B3GNT3: variants seen among roughly 807,000 people sequenced by gnomAD.
B3GNT3 encodes UDP-GlcNAc:betaGal beta-1,3-N-acetylglucosaminyltransferase 3, also known as N-acetyllactosaminide beta-1,3-N-acetylglucosaminyltransferase 3.
Under a neutral mutation model 11.6 loss-of-function variants are expected in B3GNT3, and 7 were observed. That is an observed-to-expected ratio of 0.60 (90% CI 0.34 to 1.13). The LOEUF (loss-of-function observed/expected upper bound fraction) is 1.13. Ranked by LOEUF, B3GNT3 falls within the 50% of genes most tolerant of loss-of-function variation. B3GNT3 has a pLI of 0.03. For synonymous variants in B3GNT3, 201 were observed against 222.1 expected, an observed-to-expected ratio of 0.90 and a Z score of 0.85; for missense variants, 400 against 507.4, an observed-to-expected ratio of 0.79 and a Z score of 2.03.
intron 1 of B3GNT3, among the ~76,000 whole-genome samples, chr19:17,800,350 G>T (rs2094164694): frequency 6.6e-6 from 1 of 152,108 alleles, no homozygotes; most frequent in Admixed American, 6.6e-5. Context: ...ACTTCAGCCT[G>T]GGGGACACAG....
rs117417269 is a variant in B3GNT3, at chr19:17,797,959, G to T, written c.-51+2753G>T. Among the ~76,000 whole-genome samples the T allele has an allele frequency of 1.1e-3, 171 of 152,282 alleles. 3 individuals carry two copies. The East Asian group carries it at 0.03, about 27-fold the overall frequency. On this transcript the variant is annotated intron_variant, in intron 1 of 2. Transcript: ENST00000318683. ...CCACCCACAGGGGCTGGCAGATCAG[G>T]GTTCAAATCCCACCAACCCGCCCTG...
intron 1 of B3GNT3, among the ~76,000 whole-genome samples, chr19:17,805,545 ACT>A (rs2094172026): frequency 6.6e-6 from 1 of 151,662 alleles, no homozygotes; most frequent in Non-Finnish European, 1.5e-5. Context: ...GGGTCCCATA[ACT>A]CCACCATCAC....
At chr19:17,804,695 C>T (rs2094170944) in intron 1 of B3GNT3, among the ~76,000 whole-genome samples, 2 of 151,176 alleles carry the variant, frequency 1.3e-5, no homozygotes, top group South Asian at 4.2e-4. Context: ...GAGCCATGAG[C>T]CACCACGCCC....
At position 17,812,235 on chromosome 19, in the gene B3GNT3, G is replaced by T. The variant is rs1199250295; in HGVS notation, c.*113G>T. ...CTGAGCATAAGGGAGTGCCAGGGAA[G>T]GTTTGAGGTTTGATGAGTGAATATT... On this transcript the variant is annotated 3_prime_UTR_variant, in exon 3 of 3. Transcript: ENST00000318683. The T allele has an allele frequency of 8.3e-7, 1 of 1,199,470 alleles. No individual in the cohort carries two copies. The highest frequency in any genetic ancestry group is 1.1e-6 in the Non-Finnish European group (1 of 883,336). The allele number at this position is 1,199,470 out of a possible 1,614,324, so 74.3% of individuals were successfully genotyped here. A position where few individuals can be genotyped will look rare whatever the true frequency, so the allele number is the denominator to read the frequency against.
rs1219891966 is a variant in B3GNT3, at chr19:17,812,566, G to A, written c.*444G>A. 4 of 169,812 alleles carry A rather than the reference G, an allele frequency of 2.4e-5. No individual in the cohort carries two copies. The highest frequency in any genetic ancestry group is 1.7e-4 in the East Asian group (1 of 6,010). 10.5% of individuals were successfully genotyped at this position (169,812 alleles called of 1,614,324 possible). ...ACTCCTGTGTCCACATAGAGCTGAC[G>A]TGAGAAATATCTTTCAGCCCAGGAG... On this transcript the variant is annotated 3_prime_UTR_variant, in exon 3 of 3. Transcript: ENST00000318683.
chr19:17,807,963 A>ACGC lies in B3GNT3; in HGVS notation c.157_158insGCC (p.Pro52_Pro53insArg). 1.2e-5 allele frequency: 15 copies of ACGC among 1,223,160 alleles called. No individual in the cohort carries two copies. The highest frequency in any genetic ancestry group is 1.6e-5 in the Non-Finnish European group (14 of 866,344). 75.8% of individuals were successfully genotyped at this position (1,223,160 alleles called of 1,614,324 possible). A position where few individuals can be genotyped will look rare whatever the true frequency, so the allele number is the denominator to read the frequency against. On this transcript the variant is annotated inframe_insertion, in exon 2 of 3. Coordinates refer to ENST00000318683, the MANE Select transcript of B3GNT3 (RefSeq NM_014256.4). ...CCGAGGCCCTGGCCTGGCCCACTCC[A>ACGC]CCCACCCGCCCAGCCCCGGCCCCGT...
At position 17,812,576 on chromosome 19, in the gene B3GNT3, T is replaced by A. The variant is rs564944806; in HGVS notation, c.*454T>A. 1 of 166,260 alleles carries A rather than the reference T, an allele frequency of 6.0e-6. No homozygotes were observed. Among genetic ancestry groups the A allele is most frequent in the Admixed American group, 5.6e-5 (1 of 17,812 alleles). 10.3% of individuals were successfully genotyped at this position (166,260 alleles called of 1,614,324 possible). On this transcript the variant is annotated 3_prime_UTR_variant, in exon 3 of 3. Coordinates refer to ENST00000318683, the MANE Select transcript of B3GNT3 (RefSeq NM_014256.4). ...CCACATAGAGCTGACGTGAGAAATA[T>A]CTTTCAGCCCAGGAGAGAGGGGTCC...
chr19:17,806,845 T>C (rs1348565915), intron 1 of B3GNT3, among the ~76,000 whole-genome samples: 1 of 149,952 alleles, frequency 6.7e-6, no homozygotes, highest in South Asian at 2.1e-4. Context: ...CCAGCTACTC[T>C]GAAAGATGAG....
rs568932457 is a variant in B3GNT3 at position 17,806,779 on chromosome 19, T to C, written c.-50-979T>C. Among the ~76,000 whole-genome samples the C allele has an allele frequency of 5.3e-5, 8 of 151,640 alleles. No homozygotes were observed. In the South Asian group the frequency reaches 1.7e-3, roughly 32 times the overall value. Reference sequence around the variant, plus strand: ...CCATCCTGGCCAACACGGTGAAACCTTGTCTCTCCTAAAAATACAAAAATT... The same window carrying C: ...CCATCCTGGCCAACACGGTGAAACCCTGTCTCTCCTAAAAATACAAAAATT... On this transcript the variant is annotated intron_variant, in intron 1 of 2. Coordinates refer to ENST00000318683, the MANE Select transcript of B3GNT3 (RefSeq NM_014256.4).
Position 17,811,035 on chromosome 19 carries a change from C to G in B3GNT3, c.568-536C>G, listed in dbSNP as rs1319671604. On this transcript the variant is annotated intron_variant, in intron 2 of 2. Coordinates refer to ENST00000318683, the MANE Select transcript of B3GNT3 (RefSeq NM_014256.4). This position sits in a 1 kb window ranked among gnomAD's most constrained non-coding sequence, Gnocchi z 4.1. ...ACCAGCCTGCGTAGCATAGCAAGAT[C>G]CCATCTCTTAAAAAAAAAAAAATTA... Among the ~76,000 whole-genome samples the G allele has an allele frequency of 6.6e-6, 1 of 151,194 alleles. No individual in the cohort carries two copies. Among genetic ancestry groups the G allele is most frequent in the Non-Finnish European group, 1.5e-5 (1 of 67,846 alleles).
Position 17,811,969 on chromosome 19 carries a change from G to A in B3GNT3, c.966G>A (p.Val322=), listed in dbSNP as rs1260341279. Residue 322 remains valine (V), a synonymous_variant, in exon 3 of 3, where the codon GTG becomes GTA. Coordinates refer to ENST00000318683, the MANE Select transcript of B3GNT3 (RefSeq NM_014256.4). The surrounding 1 kb of genome is among the most constrained non-coding windows in gnomAD (Gnocchi z 4.1). ...ACAGCGGCATCCGCACGTCTGGCGTGCGGGCTCCATCGCAACGCCTGTCCT... is the reference window on the plus strand; with the variant it reads ...ACAGCGGCATCCGCACGTCTGGCGTACGGGCTCCATCGCAACGCCTGTCCT... The part of the protein sequence containing the change: ...ASHSGIRTSG[V]RAPSQRLSSF... 8.1e-6 allele frequency: 13 copies of A among 1,608,088 alleles called. No homozygotes were observed. The highest frequency in any genetic ancestry group is 1.1e-5 in the Non-Finnish European group (13 of 1,180,012).
At chr19:17,801,279 ACCT>A (rs2094165890) in intron 1 of B3GNT3, among the ~76,000 whole-genome samples, 1 of 151,118 alleles carries the variant, frequency 6.6e-6, no homozygotes, top group Non-Finnish European at 1.5e-5. Context: ...TGCAGCCTTG[ACCT>A]CCTGGGCTCA....
At chr19:17,799,413 C>G (rs147707511) in intron 1 of B3GNT3, among the ~76,000 whole-genome samples, 1 of 151,682 alleles carries the variant, frequency 6.6e-6, no homozygotes, top group East Asian at 1.9e-4. Flanking sequence ...GGATTACAGG[C>G]GCCCTCCACT....
intron 1 of B3GNT3, among the ~76,000 whole-genome samples, chr19:17,807,414 C>G (rs559943644): frequency 1.5e-3 from 230 of 151,542 alleles, no homozygotes; most frequent in Middle Eastern, 3.4e-3. Flanking sequence ...ATCGCTTGAA[C>G]CCATGAGGTG....
At chr19:17,803,582 T>G (rs1258352373) in intron 1 of B3GNT3, among the ~76,000 whole-genome samples, 1 of 152,146 alleles carries the variant, frequency 6.6e-6, no homozygotes, top group Non-Finnish European at 1.5e-5. Context: ...TCAGCCTGGA[T>G]GTCACTGCTG....
At chr19:17,807,715 G>C in intron 1 of B3GNT3, 43 bp from the exon 2 acceptor site, 1 of 1,254,832 alleles carries the variant, frequency 8.0e-7, no homozygotes, top group East Asian at 2.5e-5. Context: ...CAGGAAAAGC[G>C]CTTTGCTCAT....
At chr19:17,807,595 G>A in intron 1 of B3GNT3, 163 bp from the exon 2 acceptor site, 1 of 515,568 alleles carries the variant, frequency 1.9e-6, no homozygotes, top group Non-Finnish European at 3.4e-6. Context: ...ACAGGGGTTG[G>A]AGTGCTTTGA....
intron 2 of B3GNT3, among the ~76,000 whole-genome samples, chr19:17,809,439 TG>T (rs757265111): frequency 1.1e-3 from 160 of 151,582 alleles, no homozygotes; most frequent in Non-Finnish European, 2.0e-3. Flanking sequence ...TTAATTTTTA[TG>T]TTTTTTTAAT....
At position 17,811,947 on chromosome 19, in the gene B3GNT3, G is replaced by A. The variant is rs766218156; in HGVS notation, c.944G>A (p.Ser315Asn). The A allele has an allele frequency of 3.7e-6, 6 of 1,611,300 alleles. No homozygotes were observed. The highest frequency in any genetic ancestry group is 5.1e-6 in the Non-Finnish European group (6 of 1,180,018). ...GAGGGACTGAAGCCTGCCTCCCACA[G>A]CGGCATCCGCACGTCTGGCGTGCGG... is the stretch of plus-strand genomic sequence containing the variant. Reference protein sequence around the residue: ...ELEGLKPASHSGIRTSGVRAP... With the variant: ...ELEGLKPASHNGIRTSGVRAP... Residue 315 changes from serine to asparagine, a missense_variant, in exon 3 of 3, where the codon AGC becomes AAC. Coordinates refer to ENST00000318683, the MANE Select transcript of B3GNT3 (RefSeq NM_014256.4). This position sits in a 1 kb window ranked among gnomAD's most constrained non-coding sequence, Gnocchi z 4.1.
Sources: gnomAD v4.1 joint callset for allele counts (sites outside exome capture counted in the v4.1 genomes callset) on GRCh38, gnomAD v4.1.1 for gene constraint, Gnocchi (gnomAD v3.1) non-coding constraint, MANE v1.5 for transcripts, NCBI Gene and HGNC (gene_info 2026-07-23, HGNC 2026-07-21) for gene names.